TTC28: variants seen among roughly 807,000 people sequenced by gnomAD.
TTC28 encodes the protein tetratricopeptide repeat protein 28.
In TTC28, 61 loss-of-function variants were observed where a neutral mutation model predicts 198.0. The observed-to-expected ratio is 0.31, with a 90% CI of 0.25 to 0.38. The LOEUF (loss-of-function observed/expected upper bound fraction) is 0.38. TTC28 is among the 10% of genes least tolerant of loss of function. TTC28 has a pLI of 1.00. For synonymous variants in TTC28, 1,171 were observed against 1,297.8 expected (o/e 0.90, Z 2.10); for missense variants, 2,678 against 3,164.0 (o/e 0.85, Z 3.69).
At chr22:28,370,576 T>TA (rs1197636934) in intron 2 of TTC28, among the ~76,000 whole-genome samples, 5 of 152,204 alleles carry the variant, frequency 3.3e-5, no homozygotes, top group African/African-American at 1.2e-4. Context: ...TGACTGAACA[T>TA]AGACCAATCT....
At chr22:28,229,925 C>CA (rs759015534) in intron 5 of TTC28, among the ~76,000 whole-genome samples, 39 of 152,122 alleles carry the variant, frequency 2.6e-4, no homozygotes, top group Non-Finnish European at 5.0e-4. Flanking sequence ...CTAAAAAGGG[C>CA]AAAATTCCAT....
intron 16 of TTC28, 194 bp downstream of exon 16, chr22:27,998,345 CA>C (rs1379754717): frequency 1.1e-6 from 1 of 920,428 alleles, no homozygotes; most frequent in African/African-American, 1.7e-5. Flanking sequence ...CTCCCTGGTC[CA>C]AAGATGATCT....
intron 2 of TTC28, among the ~76,000 whole-genome samples, chr22:28,569,893 G>T (rs58433661): frequency 0.048 from 7,357 of 152,152 alleles, 261 homozygotes; most frequent in African/African-American, 0.094. Flanking sequence ...ATGGGCAGAG[G>T]ACATGAACAG....
chr22:28,430,755 A>G (rs1296599811), intron 2 of TTC28, among the ~76,000 whole-genome samples: 1 of 152,120 alleles, frequency 6.6e-6, no homozygotes, highest in African/African-American at 2.4e-5. Flanking sequence ...CCAGTTACTC[A>G]TTGGGCATTA....
intron 12 of TTC28, among the ~76,000 whole-genome samples, chr22:28,073,393 A>T (rs1410753058): frequency 1.3e-5 from 2 of 152,218 alleles, no homozygotes; most frequent in African/African-American, 4.8e-5. Flanking sequence ...ATGTCCATTA[A>T]CCAAGAGTGC....
In TTC28 at chr22:28,428,696, T is replaced by G. The variant is rs542483519; in HGVS notation, c.382-122053A>C. Among the ~76,000 whole-genome samples, 466 of 152,080 alleles carry G rather than the reference T, an allele frequency of 3.1e-3. 4 individuals are homozygous for G. Among genetic ancestry groups the G allele is most frequent in the Non-Finnish European group, 4.6e-3 (314 of 67,980 alleles). On this transcript the variant is annotated intron_variant, in intron 2 of 22. Transcript: ENST00000397906. ...TTCTGTTGCCCAGGCTGGAGTGCAG[T>G]GGCACAATCTCAGCTCACTGCAAGC...
chr22:28,406,944 T>C (rs1218452468), intron 2 of TTC28, among the ~76,000 whole-genome samples: 1 of 152,232 alleles, frequency 6.6e-6, no homozygotes, highest in Non-Finnish European at 1.5e-5. Context: ...ATTTTGGCCC[T>C]CTGAGGAGGC....
chr22:28,580,942 ATT>A (rs1362907189), intron 2 of TTC28, among the ~76,000 whole-genome samples: 1 of 152,146 alleles, frequency 6.6e-6, no homozygotes, highest in Non-Finnish European at 1.5e-5. Context: ...TTCTATTATT[ATT>A]TGACTTTGCA....
intron 6 of TTC28, among the ~76,000 whole-genome samples, chr22:28,139,123 A>G (rs756267919): frequency 6.6e-6 from 1 of 152,162 alleles, no homozygotes; most frequent in Non-Finnish European, 1.5e-5. Flanking sequence ...CTACCAAAAC[A>G]AACACATTTA....
intron 14 of TTC28, among the ~76,000 whole-genome samples, chr22:28,003,287 C>T (rs567617740): frequency 2.6e-5 from 4 of 152,248 alleles, no homozygotes; most frequent in African/African-American, 9.6e-5. Flanking sequence ...TCGAACCAGC[C>T]GCAGTGGCAC....
At chr22:28,167,585 A>G (rs1486568110) in intron 5 of TTC28, among the ~76,000 whole-genome samples, 2 of 152,224 alleles carry the variant, frequency 1.3e-5, no homozygotes, top group Non-Finnish European at 2.9e-5. Flanking sequence ...GATTATCTCA[A>G]TAGATGCAGA....
At chr22:28,586,705 CT>C (rs1021257217) in intron 2 of TTC28, among the ~76,000 whole-genome samples, 4 of 152,080 alleles carry the variant, frequency 2.6e-5, no homozygotes. Context: ...AAATTATTGC[CT>C]GTTTATCACT....
At chr22:28,068,416 G>T (rs115663249) in intron 12 of TTC28, among the ~76,000 whole-genome samples, 9 of 152,306 alleles carry the variant, frequency 5.9e-5, no homozygotes, top group African/African-American at 2.2e-4. Flanking sequence ...ACGCCTGGTA[G>T]GTGTTAAAGC....
chr22:28,420,636 C>T (rs1272106028), intron 2 of TTC28, among the ~76,000 whole-genome samples: 1 of 150,948 alleles, frequency 6.6e-6, no homozygotes, highest in Non-Finnish European at 1.5e-5. Flanking sequence ...CTCGTTCTGT[C>T]GCCCAGGGTG....
chr22:28,527,629 T>A (rs1207271987), intron 2 of TTC28, among the ~76,000 whole-genome samples: 2 of 152,166 alleles, frequency 1.3e-5, no homozygotes, highest in African/African-American at 4.8e-5. Flanking sequence ...CAGATACACT[T>A]ATATAATATA....
At chr22:28,510,161 T>C (rs893633480) in intron 2 of TTC28, among the ~76,000 whole-genome samples, 1 of 152,090 alleles carries the variant, frequency 6.6e-6, no homozygotes, top group Non-Finnish European at 1.5e-5. Flanking sequence ...AAGGAGGGAC[T>C]CCTCCCCAAC....
intron 2 of TTC28, among the ~76,000 whole-genome samples, chr22:28,457,792 C>T (rs2047885430): frequency 1.3e-5 from 2 of 151,960 alleles, no homozygotes; most frequent in South Asian, 4.1e-4. Context: ...ATTCATTCTG[C>T]CACATAAATT....
chr22:28,425,016 T>C (rs968183544), intron 2 of TTC28, among the ~76,000 whole-genome samples: 6 of 152,232 alleles, frequency 3.9e-5, no homozygotes, highest in African/African-American at 7.2e-5. Flanking sequence ...TTTGACTCTA[T>C]TGCTTACTAA....
At chr22:28,417,647 A>T (rs1357997487) in intron 2 of TTC28, among the ~76,000 whole-genome samples, 1 of 152,234 alleles carries the variant, frequency 6.6e-6, no homozygotes, top group Admixed American at 6.5e-5. Flanking sequence ...TTTATTACCA[A>T]GGCATATGCA....
Sources: allele counts gnomAD v4.1 joint callset (sites outside exome capture counted in the v4.1 genomes callset), GRCh38; gene constraint gnomAD v4.1.1; transcripts MANE v1.5; gene names NCBI Gene and HGNC (gene_info 2026-07-23, HGNC 2026-07-21).